Variants in PELI2 observed in about 807,000 individuals in gnomAD.
PELI2 encodes the protein pellino E3 ubiquitin protein ligase family member 2.
A neutral mutation model predicts 42.3 loss-of-function variants in PELI2; 23 were observed. That is an observed-to-expected ratio of 0.54 (90% CI 0.39 to 0.77). The LOEUF (loss-of-function observed/expected upper bound fraction) is 0.77, where lower values mean the gene tolerates loss of function less well. PELI2 is among the 30% of genes least tolerant of loss of function. The pLI is 0.00. For missense variants in PELI2, 463 were observed against 553.2 expected, an observed-to-expected ratio of 0.84 and a Z score of 1.64; for synonymous variants, 245 against 212.2, an observed-to-expected ratio of 1.15 and a Z score of -1.34.
rs144007290 is a variant in PELI2 at position 56,238,028 on chromosome 14, T to G, written c.208-41648T>G. ...ATATGATTCTTTTTTAATGGGCATATTAAGGCCCTGATTTAATTCTATTTA... is the reference window on the plus strand; with the variant it reads ...ATATGATTCTTTTTTAATGGGCATAGTAAGGCCCTGATTTAATTCTATTTA... On this transcript the variant is annotated intron_variant, in intron 2 of 5. Coordinates refer to ENST00000267460, the MANE Select transcript of PELI2 (RefSeq NM_021255.3). 1.2e-3 allele frequency among the ~76,000 whole-genome samples: 184 copies of G among 152,310 alleles called. 2 individuals are homozygous for G. The highest frequency in any genetic ancestry group is 4.2e-3 in the African/African-American group (173 of 41,554).
chr14:56,263,250 C>T (rs938253546), intron 2 of PELI2, among the ~76,000 whole-genome samples: 3 of 152,066 alleles, frequency 2.0e-5, no homozygotes, highest in Admixed American at 6.6e-5. Context: ...CATGAGCCAC[C>T]GCACCCAACC....
chr14:56,240,290 G>A (rs573454557), intron 2 of PELI2, among the ~76,000 whole-genome samples: 12 of 152,212 alleles, frequency 7.9e-5, no homozygotes, highest in South Asian at 2.1e-4. Flanking sequence ...AGACGATTGG[G>A]GGCCTGACGG....
At chr14:56,245,572 G>T (rs1044374204) in intron 2 of PELI2, among the ~76,000 whole-genome samples, 1 of 151,992 alleles carries the variant, frequency 6.6e-6, no homozygotes, top group Non-Finnish European at 1.5e-5. Context: ...TGTTATTCTG[G>T]CCTGGTGTTT....
At chr14:56,134,313 A>G (rs1449162019) in intron 1 of PELI2, among the ~76,000 whole-genome samples, 1 of 152,220 alleles carries the variant, frequency 6.6e-6, no homozygotes, top group Non-Finnish European at 1.5e-5. Context: ...AAAAATCAAC[A>G]AACTGAAACA....
chr14:56,262,578 A>T (rs1197269752), intron 2 of PELI2, among the ~76,000 whole-genome samples: 1 of 152,198 alleles, frequency 6.6e-6, no homozygotes, highest in Non-Finnish European at 1.5e-5. Context: ...ATAATTCTTT[A>T]CCATAGATAG....
intron 2 of PELI2, among the ~76,000 whole-genome samples, chr14:56,244,476 C>T (rs1170831855): frequency 6.6e-6 from 1 of 152,126 alleles, no homozygotes; most frequent in Non-Finnish European, 1.5e-5. Flanking sequence ...CGTTGAAACC[C>T]TTCGCTTCAG....
intron 2 of PELI2, among the ~76,000 whole-genome samples, chr14:56,265,058 A>G (rs1015546715): frequency 2.6e-5 from 4 of 152,212 alleles, no homozygotes; most frequent in African/African-American, 9.6e-5. Context: ...CAGTGATGTG[A>G]ATTCTACCAA....
chr14:56,216,169 A>AAATC (rs1886899481), intron 2 of PELI2, among the ~76,000 whole-genome samples: 1 of 149,662 alleles, frequency 6.7e-6, no homozygotes, highest in South Asian at 2.2e-4. Context: ...TGTACCCATG[A>AAATC]AATCATCTTT....
intron 3 of PELI2, among the ~76,000 whole-genome samples, chr14:56,284,331 A>G (rs544654233): frequency 6.6e-6 from 1 of 152,236 alleles, no homozygotes; most frequent in South Asian, 2.1e-4. Context: ...CATAAAAGAG[A>G]AAATAGTTAA....
rs1890138770 is a variant in PELI2 at position 56,300,388 on chromosome 14, T to G, written c.*3222T>G. 6.6e-6 allele frequency: 1 copy of G among 152,522 alleles called. No homozygotes were observed. The highest frequency in any genetic ancestry group is 2.4e-5 in the African/African-American group (1 of 41,430). 9.4% of individuals were successfully genotyped at this position (152,522 alleles called of 1,614,324 possible). On this transcript the variant is annotated 3_prime_UTR_variant, in exon 6 of 6. Transcript: ENST00000267460. ...CAATAGGGAAATTATTTTAAGTTATTACATTTACTGTATTGGGAAACTTGA... is the reference window on the plus strand; with the variant it reads ...CAATAGGGAAATTATTTTAAGTTATGACATTTACTGTATTGGGAAACTTGA...
At chr14:56,276,427 G>T (rs867641763) in intron 2 of PELI2, among the ~76,000 whole-genome samples, 1 of 151,960 alleles carries the variant, frequency 6.6e-6, no homozygotes, top group Non-Finnish European at 1.5e-5. Flanking sequence ...CCCAGCCCAC[G>T]TTTCTGCTTT....
chr14:56,240,116 A>G (rs944844026), intron 2 of PELI2, among the ~76,000 whole-genome samples: 1 of 152,140 alleles, frequency 6.6e-6, no homozygotes, highest in Admixed American at 6.5e-5. Context: ...TGAGTTTGAA[A>G]TGTTGTTTCA....
chr14:56,229,202 G>T (rs57405940), intron 2 of PELI2, among the ~76,000 whole-genome samples: 24,924 of 152,244 alleles, frequency 0.16, 2,597 homozygotes, highest in Non-Finnish European at 0.24. Context: ...AGAAGCTTTT[G>T]CAGACTTAAG....
intron 2 of PELI2, among the ~76,000 whole-genome samples, chr14:56,208,508 A>T (rs1291280587): frequency 6.6e-6 from 1 of 152,268 alleles, no homozygotes; most frequent in Admixed American, 6.5e-5. Flanking sequence ...CTAATGATGC[A>T]AAAGCAGTGG....
intron 2 of PELI2, among the ~76,000 whole-genome samples, chr14:56,274,065 C>G (rs942885860): frequency 2.0e-4 from 30 of 152,184 alleles, no homozygotes; most frequent in African/African-American, 7.0e-4. Context: ...CCCAGGAGCT[C>G]CACACCAGAT....
intron 2 of PELI2, among the ~76,000 whole-genome samples, chr14:56,198,131 G>A (rs17762733): frequency 0.15 from 22,143 of 152,122 alleles, 1,773 homozygotes; most frequent in Middle Eastern, 0.17. Flanking sequence ...TCTCTCAGAG[G>A]AATAATTAAT....
At chr14:56,286,241 A>T (rs571699318) in intron 3 of PELI2, among the ~76,000 whole-genome samples, 32 of 152,360 alleles carry the variant, frequency 2.1e-4, no homozygotes, top group African/African-American at 7.2e-4. Context: ...AAGGGAGAAC[A>T]TTGGAATACC....
Position 56,139,887 on chromosome 14 carries a change from TA to T in PELI2, c.77+21160del, listed in dbSNP as rs35074755. On this transcript the variant is annotated intron_variant, in intron 1 of 5. Coordinates refer to ENST00000267460, the MANE Select transcript of PELI2 (RefSeq NM_021255.3). ...GGGTGATGCAAACCAGCTTCTTTACTAAAAAAAAAAGGTGAGATTTTAGTAT... is the reference window on the plus strand; with the variant it reads ...GGGTGATGCAAACCAGCTTCTTTACTAAAAAAAAAGGTGAGATTTTAGTAT... Among the ~76,000 whole-genome samples, 430 of 142,740 alleles carry T rather than the reference TA, an allele frequency of 3.0e-3. 3 individuals carry two copies. The highest frequency in any genetic ancestry group is 0.01 in the African/African-American group (400 of 38,870). 93.6% of individuals were successfully genotyped at this position (142,740 alleles called of 152,430 possible).
At chr14:56,147,302 T>C (rs2139614631) in intron 1 of PELI2, among the ~76,000 whole-genome samples, 1 of 152,308 alleles carries the variant, frequency 6.6e-6, no homozygotes, top group South Asian at 2.1e-4. Flanking sequence ...TATTTTTCTT[T>C]GGTAGGTACT....
Sources: gnomAD v4.1 joint callset for allele counts (sites outside exome capture counted in the v4.1 genomes callset) on GRCh38, gnomAD v4.1.1 for gene constraint, MANE v1.5 for transcripts, NCBI Gene and HGNC (gene_info 2026-07-23, HGNC 2026-07-21) for gene names.